MATN2: variants seen among roughly 807,000 people sequenced by gnomAD.
The protein encoded by MATN2 is matrilin 2, also known as matrilin-2.
MATN2 carries 69 observed loss-of-function variants against 103.2 expected under a neutral mutation model. The observed-to-expected ratio is 0.67, with a 90% CI of 0.55 to 0.82. The LOEUF is 0.82. MATN2 is among the 40% of genes least tolerant of loss of function. MATN2 has a pLI of 0.00. For synonymous variants in MATN2, 429 were observed against 450.2 expected (o/e 0.95, Z 0.60); for missense variants, 1,023 against 1,211.5 (o/e 0.84, Z 2.31).
chr8:98,017,975 C>T lies in MATN2; in HGVS notation c.1697-19C>T. ...ATGTATGTTGTTGAAATTGTTGTAA[C>T]TTGCTCTCCTGTCTTCAGGGAAAGA... On this transcript the variant is annotated intron_variant, in intron 11 of 18. Transcript: ENST00000254898. 2 of 1,612,012 alleles carry T rather than the reference C, an allele frequency of 1.2e-6. No individual in the cohort carries two copies. The highest frequency in any genetic ancestry group is 2.2e-5 in the East Asian group (1 of 44,810).
rs144750140 is a variant in MATN2 at position 97,887,631 on chromosome 8, T to A, written c.-26-444T>A. On this transcript the variant is annotated intron_variant, in intron 1 of 18. Coordinates refer to ENST00000254898, the MANE Select transcript of MATN2 (RefSeq NM_002380.5). The stretch of plus-strand genomic sequence containing the variant: ...GATGCTACTTTATGTCAACTACACA[T>A]GAATTTTATATGTATAATTTATATA... Among the ~76,000 whole-genome samples the A allele has an allele frequency of 2.7e-3, 409 of 152,368 alleles. 3 individuals are homozygous for A. The highest frequency in any genetic ancestry group is 9.4e-3 in the African/African-American group (392 of 41,588).
intron 3 of MATN2, among the ~76,000 whole-genome samples, chr8:97,933,730 T>A (rs1810278965): frequency 6.6e-6 from 1 of 152,000 alleles, no homozygotes; most frequent in South Asian, 2.1e-4. Flanking sequence ...GAGAAATGAA[T>A]CCCCTGTGAG....
chr8:97,968,600 C>T (rs752149097), intron 5 of MATN2, among the ~76,000 whole-genome samples: 3 of 152,194 alleles, frequency 2.0e-5, no homozygotes, highest in East Asian at 3.8e-4. Flanking sequence ...AGGGCATGAA[C>T]ACAACCCAGC....
chr8:97,949,647 T>C (rs1042819334), intron 4 of MATN2, among the ~76,000 whole-genome samples: 23 of 152,188 alleles, frequency 1.5e-4, no homozygotes, highest in Non-Finnish European at 5.9e-5. Context: ...CATTCCACTT[T>C]TAAGTATTTA....
At chr8:97,890,871 A>AT (rs1330634941) in intron 2 of MATN2, among the ~76,000 whole-genome samples, 1 of 152,046 alleles carries the variant, frequency 6.6e-6, no homozygotes, top group African/African-American at 2.4e-5. Context: ...TCTTAGGTTA[A>AT]TTTTTTTTGA....
chr8:97,941,001 A>T (rs1810534139), intron 3 of MATN2, among the ~76,000 whole-genome samples: 1 of 151,908 alleles, frequency 6.6e-6, no homozygotes, highest in Admixed American at 6.6e-5. Context: ...TCTACAAAAA[A>T]AATTTTAAAA....
chr8:97,895,371 AC>A (rs1422391341), intron 2 of MATN2, among the ~76,000 whole-genome samples: 1 of 152,148 alleles, frequency 6.6e-6, no homozygotes, highest in African/African-American at 2.4e-5. Context: ...CATGATTAAA[AC>A]TTTTGTCTCC....
intron 2 of MATN2, among the ~76,000 whole-genome samples, chr8:97,891,384 C>G (rs1818620151): frequency 6.6e-6 from 1 of 152,052 alleles, no homozygotes; most frequent in Non-Finnish European, 1.5e-5. Context: ...GTCTCCCAGG[C>G]TGGAGTGCAG....
chr8:97,999,661 C>G (rs546321216), intron 7 of MATN2, among the ~76,000 whole-genome samples: 10 of 152,226 alleles, frequency 6.6e-5, no homozygotes, highest in African/African-American at 2.4e-4. Flanking sequence ...CTAACAATAT[C>G]CTGCCTCTCC....
At chr8:97,956,512 A>G (rs1811150006) in intron 4 of MATN2, among the ~76,000 whole-genome samples, 1 of 152,190 alleles carries the variant, frequency 6.6e-6, no homozygotes. Context: ...GAGGCAGTTT[A>G]TGCAGGAATT....
chr8:97,899,519 C>A (rs955779285), intron 2 of MATN2, among the ~76,000 whole-genome samples: 5 of 152,136 alleles, frequency 3.3e-5, no homozygotes, highest in African/African-American at 1.2e-4. Flanking sequence ...TCTTCTGAGC[C>A]CTCTCTCCTT....
At chr8:97,884,667 C>T (rs535580431) in intron 1 of MATN2, among the ~76,000 whole-genome samples, 39 of 151,882 alleles carry the variant, frequency 2.6e-4, no homozygotes, top group African/African-American at 8.9e-4. Flanking sequence ...GCTACTGGGG[C>T]GGCTGAGGCA....
chr8:98,032,402 T>TGTAA, intron 16 of MATN2, 85 bp downstream of exon 16: 1 of 997,838 alleles, frequency 1.0e-6, no homozygotes, highest in Admixed American at 2.3e-5. Flanking sequence ...AAGAAGTGAA[T>TGTAA]GTAAGTATGT....
chr8:98,001,750 T>TTACAGGC, intron 7 of MATN2, among the ~76,000 whole-genome samples: 1 of 151,176 alleles, frequency 6.6e-6, no homozygotes, highest in East Asian at 1.9e-4. Flanking sequence ...AGTGCTGGGA[T>TTACAGGC]TACAGGCATG....
At chr8:98,023,024 G>A (rs1180599657) in intron 13 of MATN2, among the ~76,000 whole-genome samples, 1 of 152,176 alleles carries the variant, frequency 6.6e-6, no homozygotes, top group Non-Finnish European at 1.5e-5. Context: ...GGAGGCGGAG[G>A]TTGCAGTGAG....
At position 97,900,438 on chromosome 8, in the gene MATN2, G is replaced by A. The variant is rs930380908; in HGVS notation, c.142+12196G>A. ...TGTGTACTGTGGGTCATTGCGCCATGAGAAGTCCCATGGGGGATGAGCCCC... is the reference window on the plus strand; with the variant it reads ...TGTGTACTGTGGGTCATTGCGCCATAAGAAGTCCCATGGGGGATGAGCCCC... On this transcript the variant is annotated intron_variant, in intron 2 of 18. Transcript: ENST00000254898. 3.3e-5 allele frequency among the ~76,000 whole-genome samples: 5 copies of A among 152,342 alleles called. No homozygotes were observed. The East Asian group carries it at 9.6e-4, about 29-fold the overall frequency.
chr8:97,926,621 C>T lies in MATN2; in HGVS notation c.143-4332C>T, dbSNP rs140526320. 5.1e-3 allele frequency among the ~76,000 whole-genome samples: 773 copies of T among 152,266 alleles called. 10 individuals carry two copies. Among genetic ancestry groups the T allele is most frequent in the African/African-American group, 0.018 (746 of 41,552 alleles). On this transcript the variant is annotated intron_variant, in intron 2 of 18. Transcript: ENST00000254898. ...AGTGACTTGGACTCTGTTGGGACCC[C>T]TCTGCCTCTAAGATTCTACTAGTCT...
intron 4 of MATN2, among the ~76,000 whole-genome samples, chr8:97,944,651 A>G (rs911020727): frequency 2.0e-5 from 3 of 152,208 alleles, no homozygotes; most frequent in African/African-American, 7.2e-5. Context: ...TAACAAATCA[A>G]TACCTGTCTC....
In MATN2 at chr8:98,032,720, C is replaced by T. The variant is rs57200558; in HGVS notation, c.2582-322C>T. On this transcript the variant is annotated intron_variant, in intron 16 of 18. Transcript: ENST00000254898. Reference sequence around the variant, plus strand: ...CTAATTTTTGTATTTTTAGTAGAGACGGGGTTTTACCATGTTGGCCAGGCT... The same window carrying T: ...CTAATTTTTGTATTTTTAGTAGAGATGGGGTTTTACCATGTTGGCCAGGCT... Among the ~76,000 whole-genome samples the T allele has an allele frequency of 1.9e-3, 292 of 152,048 alleles. 6 individuals are homozygous for T. The East Asian group carries it at 0.05, about 26-fold the overall frequency.
Sources: allele counts gnomAD v4.1 joint callset (sites outside exome capture counted in the v4.1 genomes callset), GRCh38; gene constraint gnomAD v4.1.1; transcripts MANE v1.5; gene names NCBI Gene and HGNC (gene_info 2026-07-23, HGNC 2026-07-21).